The following SPANXN4 variants were observed in gnomAD, a reference collection of about 807,000 sequenced individuals.
SPANXN4 encodes sperm protein associated with the nucleus on the X chromosome N4.
In SPANXN4, 5 loss-of-function variants were observed where a neutral mutation model predicts 6.0. The ratio of observed to expected loss-of-function variants is 0.83; its 90% CI spans 0.44 to 1.75. The LOEUF is 1.75. Among genes scored for constraint, SPANXN4 ranks in the 40% most tolerant of loss-of-function variants. SPANXN4 has a pLI of 0.02. For synonymous variants in SPANXN4, 45 were observed against 38.0 expected (o/e 1.19, Z -0.68); for missense variants, 157 against 108.6 (o/e 1.45, Z -1.98).
intron 1 of SPANXN4, among the ~76,000 whole-genome samples, chrX:143,028,026 C>T (rs1932787976): frequency 9.0e-6 from 1 of 111,319 alleles, no homozygotes. Context: ...GACTGTTATG[C>T]ACTAGGGCAT....
chrX:143,026,368 G>T (rs777789369), intron 1 of SPANXN4, among the ~76,000 whole-genome samples: 336 of 111,451 alleles, frequency 3.0e-3, no homozygotes, highest in African/African-American at 0.01. Flanking sequence ...TCATGGTGTT[G>T]CTTGGACCTT....
At chrX:143,027,543 G>A (rs921988807) in intron 1 of SPANXN4, among the ~76,000 whole-genome samples, 9 of 111,538 alleles carry the variant, frequency 8.1e-5, no homozygotes, top group Non-Finnish European at 1.5e-4. Context: ...GTGTGACAGT[G>A]TGGGTGGATC....
chrX:143,034,440 T>C lies in SPANXN4; in HGVS notation c.284-69T>C. 3 of 1,103,435 alleles carry C rather than the reference T, an allele frequency of 2.7e-6. No homozygotes were observed. The South Asian group carries it at 7.0e-5, about 26-fold the overall frequency. 90.9% of individuals were successfully genotyped at this position (1,103,435 alleles called of 1,213,427 possible). The stretch of plus-strand genomic sequence containing the variant: ...GACAGATCCACAGGTTAGCCAGACA[T>C]TGTAAATAAAGACTGGGGGAGGACT... On this transcript the variant is annotated intron_variant, in intron 2 of 2. Coordinates refer to ENST00000370504, the Ensembl canonical transcript of SPANXN4.
At chrX:143,026,153 C>T (rs757423457) in intron 1 of SPANXN4, 61 bp downstream of exon 1, 12 of 1,027,888 alleles carry the variant, frequency 1.2e-5, no homozygotes, top group South Asian at 2.1e-5. Context: ...AGATAGGGCG[C>T]GGGTCAAACA....
In SPANXN4 at chrX:143,026,296, C is replaced by T. The variant is rs181048014; in HGVS notation, c.78+204C>T. ...TTGGGCAGTATGGCTGGCTGCTCGG[C>T]GGAATATTGATAAGATGTTGTTATG... On this transcript the variant is annotated intron_variant, in intron 1 of 2. Coordinates refer to ENST00000370504, the Ensembl canonical transcript of SPANXN4. 8.4e-4 allele frequency among the ~76,000 whole-genome samples: 93 copies of T among 111,323 alleles called. 1 individual carries two copies. Among genetic ancestry groups the T allele is most frequent in the East Asian group, 2.9e-3 (10 of 3,488 alleles).
At chrX:143,035,368 G>A (rs1185218298), downstream of SPANXN4, among the ~76,000 whole-genome samples, 2 of 110,152 alleles carry the variant, frequency 1.8e-5, no homozygotes, top group Non-Finnish European at 3.8e-5. Context: ...TGTTTTCAAT[G>A]TATATATCCA....
At chrX:143,034,279 G>A (rs1424988946) in intron 2 of SPANXN4, 7 of 1,121,516 alleles carry the variant, frequency 6.2e-6, no homozygotes, top group East Asian at 3.3e-5. Context: ...CACTGATGGC[G>A]ATGATTACAA....
chrX:143,032,749 C>T (rs1569429569), intron 1 of SPANXN4, among the ~76,000 whole-genome samples: 1 of 111,421 alleles, frequency 9.0e-6, no homozygotes, highest in African/African-American at 3.3e-5. Flanking sequence ...GAATGAGTAT[C>T]TCCAGAGGGT....
exon 2 of SPANXN4, chrX:143,034,157 C>A: frequency 8.5e-7 from 1 of 1,181,036 alleles, no homozygotes. Flanking sequence ...GGAGAATAAC[C>A]AGCCTACAGA....
At chrX:143,030,645 G>A (rs992269870) in intron 1 of SPANXN4, among the ~76,000 whole-genome samples, 6 of 110,800 alleles carry the variant, frequency 5.4e-5, no homozygotes, top group Non-Finnish European at 1.1e-4. Context: ...AGTGAAAAAG[G>A]CATCTTTTAG....
At chrX:143,035,300 T>C (rs148809920), downstream of SPANXN4, among the ~76,000 whole-genome samples, 10 of 110,317 alleles carry the variant, frequency 9.1e-5, no homozygotes, top group East Asian at 2.8e-3. Flanking sequence ...GCATTTGATG[T>C]GTATCCTTTT....
exon 3 of SPANXN4, chrX:143,034,563 A>G (rs774043414): frequency 2.6e-6 from 3 of 1,162,277 alleles, no homozygotes; most frequent in Admixed American, 2.6e-5. Context: ...TTAGAAGAGC[A>G]CATAAGAAGA....
intron 1 of SPANXN4, 62 bp downstream of exon 1, chrX:143,026,154 G>A (rs1932776870): frequency 9.9e-6 from 10 of 1,006,357 alleles, no homozygotes; most frequent in South Asian, 8.6e-5. Context: ...GATAGGGCGC[G>A]GGTCAAACAG....
At chrX:143,031,424 C>A (rs1295963122) in intron 1 of SPANXN4, among the ~76,000 whole-genome samples, 1 of 111,396 alleles carries the variant, frequency 9.0e-6, no homozygotes, top group African/African-American at 3.3e-5. Flanking sequence ...GGGGCAGACT[C>A]CAGGCCCTGT....
intron 1 of SPANXN4, among the ~76,000 whole-genome samples, chrX:143,028,719 T>C (rs760815016): frequency 2.7e-5 from 3 of 111,034 alleles, no homozygotes; most frequent in Non-Finnish European, 5.7e-5. Flanking sequence ...GAATCATTTG[T>C]TGGGAGGCAT....
At chrX:143,030,349 G>A (rs1229100688) in intron 1 of SPANXN4, among the ~76,000 whole-genome samples, 2 of 111,200 alleles carry the variant, frequency 1.8e-5, no homozygotes, top group Non-Finnish European at 3.8e-5. Flanking sequence ...GGTGACACCC[G>A]ACATCCTCAA....
At chrX:143,034,643 C>A (rs1216936036) in exon 3 of SPANXN4, 1 of 1,163,667 alleles carries the variant, frequency 8.6e-7, no homozygotes. Flanking sequence ...ACCTTCAGGC[C>A]ACATACCTCA....
chrX:143,031,467 G>T (rs1457607538), intron 1 of SPANXN4, among the ~76,000 whole-genome samples: 1 of 111,563 alleles, frequency 9.0e-6, no homozygotes, highest in Non-Finnish European at 1.9e-5. Flanking sequence ...AAGCAAGCGG[G>T]ATGAAAAGTT....
At chrX:143,036,610 T>C (rs1258084391), downstream of SPANXN4, among the ~76,000 whole-genome samples, 1 of 112,236 alleles carries the variant, frequency 8.9e-6, no homozygotes, top group Non-Finnish European at 1.9e-5. Flanking sequence ...CTCTAAATTT[T>C]ATTCTATCAA....
Sources: gnomAD v4.1 joint callset for allele counts (sites outside exome capture counted in the v4.1 genomes callset) on GRCh38, gnomAD v4.1.1 for gene constraint, MANE v1.5 for transcripts, NCBI Gene and HGNC (gene_info 2026-07-23, HGNC 2026-07-21) for gene names.